NR5A2: variants seen among roughly 807,000 people sequenced by gnomAD.
NR5A2 encodes the protein CYP7A promoter-binding factor.
A neutral mutation model predicts 62.7 loss-of-function variants in NR5A2; 26 were observed. That is an observed-to-expected ratio of 0.41 (90% CI 0.30 to 0.58). The LOEUF is 0.58. Among genes scored for constraint, NR5A2 ranks in the 20% least tolerant of loss-of-function variants. The probability of loss-of-function intolerance (pLI) is 0.22; values close to 1 mark genes in which losing one functional copy is unlikely to be tolerated. For missense variants in NR5A2, 541 were observed against 669.1 expected (o/e 0.81, Z 2.11); for synonymous variants, 246 against 241.7 (o/e 1.02, Z -0.16).
chr1:200,113,524 C>T (rs1445149484), intron 6 of NR5A2, among the ~76,000 whole-genome samples: 1 of 152,202 alleles, frequency 6.6e-6, no homozygotes, highest in Non-Finnish European at 1.5e-5. Flanking sequence ...AGCCTGTAAC[C>T]TCTCTATCAG....
intron 6 of NR5A2, among the ~76,000 whole-genome samples, chr1:200,114,237 C>T (rs368773971): frequency 5.8e-3 from 293 of 50,418 alleles, no homozygotes; most frequent in Non-Finnish European, 0.011. Context: ...TATATATACA[C>T]ACACACACAT....
intron 7 of NR5A2, among the ~76,000 whole-genome samples, chr1:200,133,606 T>C (rs199535395): frequency 3.2e-4 from 30 of 94,462 alleles, no homozygotes; most frequent in Admixed American, 1.9e-3. Context: ...TATATACACA[T>C]ATATACACAC....
chr1:200,046,736 T>C (rs1050609105), intron 4 of NR5A2, among the ~76,000 whole-genome samples: 4 of 152,204 alleles, frequency 2.6e-5, no homozygotes, highest in African/African-American at 4.8e-5. Flanking sequence ...TAGCAAAATA[T>C]TGTGGTAGAT....
In NR5A2 at chr1:200,174,278, A is replaced by T. The variant is rs966875200; in HGVS notation, c.*68A>T. 5.4e-5 allele frequency: 78 copies of T among 1,454,456 alleles called. No homozygotes were observed. The highest frequency in any genetic ancestry group is 3.0e-4 in the African/African-American group (21 of 70,376). 90.1% of individuals were successfully genotyped at this position (1,454,456 alleles called of 1,614,324 possible). A position where few individuals can be genotyped will look rare whatever the true frequency, so the allele number is the denominator to read the frequency against. ...TGGGGGAGTGGGGAGGGGGAAGAAG[A>T]ACAGGAAGAAAAAAAGTACTCTGAA... On this transcript the variant is annotated 3_prime_UTR_variant, in exon 8 of 8. Transcript: ENST00000367362.
At chr1:200,160,472 G>T (rs1653592051) in intron 7 of NR5A2, among the ~76,000 whole-genome samples, 2 of 152,144 alleles carry the variant, frequency 1.3e-5, no homozygotes, top group South Asian at 4.1e-4. Flanking sequence ...TGAGAAAGTG[G>T]AGCTGAATCG....
intron 6 of NR5A2, among the ~76,000 whole-genome samples, chr1:200,119,416 T>C (rs1666381669): frequency 6.6e-6 from 1 of 152,160 alleles, no homozygotes; most frequent in South Asian, 2.1e-4. Context: ...TTGCTGCTGC[T>C]GCAAATATTA....
At position 200,048,188 on chromosome 1, in the gene NR5A2, A is replaced by G; in HGVS notation, c.480A>G (p.Arg160=). 1 of 1,608,932 alleles carries G rather than the reference A, an allele frequency of 6.2e-7. No individual in the cohort carries two copies. Among genetic ancestry groups the G allele is most frequent in the South Asian group, 1.1e-5 (1 of 90,664 alleles). The change falls in exon 5 of 8, where the codon CGA becomes CGG. Residue 160 remains arginine (R), a synonymous_variant. Transcript: ENST00000367362. This position sits in a 1 kb window ranked among gnomAD's most constrained non-coding sequence, Gnocchi z 4.8. ...CCCCAACAGCTGTAAGGGCCGACCG[A>G]ATGCGTGGAGGAAGGAATAAGTTTG... ...GMKLEAVRAD[R]MRGGRNKFGP...
At chr1:200,083,447 T>C (rs1664380769) in intron 5 of NR5A2, among the ~76,000 whole-genome samples, 1 of 152,208 alleles carries the variant, frequency 6.6e-6, no homozygotes, top group African/African-American at 2.4e-5. Flanking sequence ...ATTACATATA[T>C]GTGTACATTT....
chr1:200,071,407 C>T (rs1558120518), intron 5 of NR5A2, among the ~76,000 whole-genome samples: 3 of 152,166 alleles, frequency 2.0e-5, no homozygotes, highest in Admixed American at 1.3e-4. Context: ...TATGTAGCAT[C>T]AACTTTATCG....
chr1:200,145,307 C>CA (rs933090971), intron 7 of NR5A2, among the ~76,000 whole-genome samples: 2 of 151,058 alleles, frequency 1.3e-5, no homozygotes, highest in Admixed American at 6.6e-5. Context: ...AGGACTGTCT[C>CA]AAAAAAAAAT....
At chr1:200,145,468 T>TTTTG (rs1553277849) in intron 7 of NR5A2, among the ~76,000 whole-genome samples, 1 of 142,114 alleles carries the variant, frequency 7.0e-6, no homozygotes, top group Non-Finnish European at 1.5e-5. Context: ...TTGATAGAAT[T>TTTTG]TGTGTGTGTG....
chr1:200,151,661 G>T (rs1158981863), intron 7 of NR5A2, among the ~76,000 whole-genome samples: 7 of 152,206 alleles, frequency 4.6e-5, no homozygotes, highest in African/African-American at 7.2e-5. Flanking sequence ...TGGACAGGAG[G>T]CATTATCATG....
intron 5 of NR5A2, among the ~76,000 whole-genome samples, chr1:200,066,605 T>TTTTTTTTTTTTA (rs71132651): frequency 6.7e-6 from 1 of 148,500 alleles, no homozygotes; most frequent in African/African-American, 2.5e-5. Flanking sequence ...TTTTTTTTTT[T>TTTTTTTTTTTTA]GAGAGGGAGT....
chr1:200,069,407 T>C (rs1398996771), intron 5 of NR5A2, among the ~76,000 whole-genome samples: 1 of 152,052 alleles, frequency 6.6e-6, no homozygotes, highest in East Asian at 1.9e-4. Flanking sequence ...ATTATAGGCA[T>C]GCACCACCAT....
chr1:200,080,678 T>C (rs944021763), intron 5 of NR5A2, among the ~76,000 whole-genome samples: 1 of 152,248 alleles, frequency 6.6e-6, no homozygotes, highest in African/African-American at 2.4e-5. Context: ...CGAATAGCTT[T>C]GTCAAAAACA....
At chr1:200,094,242 T>C (rs1303704725) in intron 5 of NR5A2, among the ~76,000 whole-genome samples, 1 of 151,150 alleles carries the variant, frequency 6.6e-6, no homozygotes, top group East Asian at 2.0e-4. Context: ...TGGAGTGCAG[T>C]GACGCCATCT....
At chr1:200,108,637 T>C (rs1293212716) in intron 5 of NR5A2, among the ~76,000 whole-genome samples, 1 of 152,214 alleles carries the variant, frequency 6.6e-6, no homozygotes, top group Non-Finnish European at 1.5e-5. Context: ...GTAAAGTATT[T>C]TGGGCTTCCC....
At position 200,176,112 on chromosome 1, in the gene NR5A2, T is replaced by A. The variant is rs188832676; in HGVS notation, c.*1902T>A. The A allele has an allele frequency of 1.3e-5, 2 of 152,752 alleles. No homozygotes were observed. Among genetic ancestry groups the A allele is most frequent in the East Asian group, 1.9e-4 (1 of 5,188 alleles). The allele number at this position is 152,752 out of a possible 1,614,324, so 9.5% of individuals were successfully genotyped here. ...TTAAAATCATTCACTTGATTAAATG[T>A]CTGTAAATCTTCATCATTCCTACTG... On this transcript the variant is annotated 3_prime_UTR_variant, in exon 8 of 8. Coordinates refer to ENST00000367362, the MANE Select transcript of NR5A2 (RefSeq NM_205860.3).
At chr1:200,109,967 G>A (rs1558144716) in intron 5 of NR5A2, among the ~76,000 whole-genome samples, 2 of 152,128 alleles carry the variant, frequency 1.3e-5, no homozygotes, top group Admixed American at 6.5e-5. Context: ...GTTTCACCAT[G>A]TTGGCCAGGA....
Sources: gnomAD v4.1 joint callset for allele counts (sites outside exome capture counted in the v4.1 genomes callset) on GRCh38, gnomAD v4.1.1 for gene constraint, Gnocchi (gnomAD v3.1) non-coding constraint, MANE v1.5 for transcripts, NCBI Gene and HGNC (gene_info 2026-07-23, HGNC 2026-07-21) for gene names.